The following PCDHGA3 variants were observed in gnomAD, a reference collection of about 807,000 sequenced individuals.
PCDHGA3 encodes protocadherin gamma-A3.
PCDHGA3 carries 40 observed loss-of-function variants against 58.5 expected under a neutral mutation model. That is an observed-to-expected ratio of 0.68 (90% CI 0.53 to 0.89). The LOEUF (loss-of-function observed/expected upper bound fraction) is 0.89. PCDHGA3 is among the 40% of genes least tolerant of loss of function. The pLI, the probability that PCDHGA3 is intolerant of heterozygous loss-of-function variation, is 0.00. For synonymous variants in PCDHGA3, 530 were observed against 525.7 expected (o/e 1.01, Z -0.11); for missense variants, 1,223 against 1,195.9 (o/e 1.02, Z -0.33).
intron 1 of PCDHGA3, chr5:141,360,067 T>C: frequency 1.4e-6 from 2 of 1,466,818 alleles, no homozygotes; most frequent in Non-Finnish European, 1.8e-6. Flanking sequence ...AAAGTGACCT[T>C]AGCCCGGATT....
intron 1 of PCDHGA3, chr5:141,389,392 T>C (rs1258153986): frequency 1.9e-6 from 3 of 1,613,686 alleles, no homozygotes; most frequent in Non-Finnish European, 2.5e-6. Flanking sequence ...TCATCCTACG[T>C]GTCCATAAGC....
At position 141,344,657 on chromosome 5, in the gene PCDHGA3, C is replaced by G; in HGVS notation, c.624C>G (p.His208Gln). ...TGGACCGTGAGAAAAAAGAAATTCACCAGCTTGTCCTGGTTGCCTCTGATG... is the reference window on the plus strand; with the variant it reads ...TGGACCGTGAGAAAAAAGAAATTCAGCAGCTTGTCCTGGTTGCCTCTGATG... ...RALDREKKEI[H>Q]QLVLVASDGG... Residue 208 changes from histidine to glutamine, a missense_variant, in exon 1 of 4, where the codon CAC becomes CAG. Transcript: ENST00000253812. 1 of 1,613,996 alleles carries G rather than the reference C, an allele frequency of 6.2e-7. No homozygotes were observed. The highest frequency in any genetic ancestry group is 1.1e-5 in the South Asian group (1 of 91,086).
At chr5:141,445,148 C>A (rs1051995635) in intron 1 of PCDHGA3, among the ~76,000 whole-genome samples, 3 of 152,092 alleles carry the variant, frequency 2.0e-5, no homozygotes, top group Non-Finnish European at 4.4e-5. Context: ...TCTAATTGTT[C>A]ATTTCTAGTT....
intron 1 of PCDHGA3, among the ~76,000 whole-genome samples, chr5:141,407,687 G>A (rs866314437): frequency 1.3e-5 from 2 of 152,126 alleles, no homozygotes; most frequent in African/African-American, 2.4e-5. Context: ...TGGCTTTGTG[G>A]TGATCATTGT....
At chr5:141,355,325 G>A in intron 1 of PCDHGA3, 1 of 1,614,010 alleles carries the variant, frequency 6.2e-7, no homozygotes, top group Non-Finnish European at 8.5e-7. Flanking sequence ...CAGGAAGAAG[G>A]CTCAGTGGTG....
In PCDHGA3 at chr5:141,485,580, A is replaced by C. The variant is rs761157560; in HGVS notation, c.2425-9227A>C. The C allele has an allele frequency of 6.2e-7, 1 of 1,612,610 alleles. No homozygotes were observed. The highest frequency in any genetic ancestry group is 2.2e-5 in the East Asian group (1 of 44,850). ...GATCACGCCCCCCGTTTTCCGCGGCAGCAGCTGGACTTGGAAATTGGGGAG... is the reference window on the plus strand; with the variant it reads ...GATCACGCCCCCCGTTTTCCGCGGCCGCAGCTGGACTTGGAAATTGGGGAG... On this transcript the variant is annotated intron_variant, in intron 1 of 3. Transcript: ENST00000253812. The surrounding 1 kb of genome is among the most constrained non-coding windows in gnomAD (Gnocchi z 5.7).
chr5:141,491,702 T>A lies in PCDHGA3; in HGVS notation c.2425-3105T>A. The A allele has an allele frequency of 6.2e-7, 1 of 1,611,514 alleles. No homozygotes were observed. Among genetic ancestry groups the A allele is most frequent in the Non-Finnish European group, 8.5e-7 (1 of 1,178,984 alleles). ...AATACGCTGCGGGAGCGGAGCCAGG[T>A]GAGGGGCTCGGCGCCGCCCCGGGCG... On this transcript the variant is annotated intron_variant, in intron 1 of 3. Coordinates refer to ENST00000253812, the MANE Select transcript of PCDHGA3 (RefSeq NM_018916.4). The surrounding 1 kb of genome is among the most constrained non-coding windows in gnomAD (Gnocchi z 6.9).
intron 1 of PCDHGA3, chr5:141,414,147 A>G: frequency 6.3e-7 from 1 of 1,599,090 alleles, no homozygotes; most frequent in Non-Finnish European, 8.5e-7. Flanking sequence ...TAGAAATACA[A>G]GCAGAAGATG....
At position 141,491,346 on chromosome 5, in the gene PCDHGA3, T is replaced by A. The variant is rs760843553; in HGVS notation, c.2425-3461T>A. ...TCATTGTGGCTCTAGCGACCGTCAG[T>A]CTCTTATCCCTAGTCACCTTCACCT... On this transcript the variant is annotated intron_variant, in intron 1 of 3. Coordinates refer to ENST00000253812, the MANE Select transcript of PCDHGA3 (RefSeq NM_018916.4). This position sits in a 1 kb window ranked among gnomAD's most constrained non-coding sequence, Gnocchi z 6.9. The A allele has an allele frequency of 6.2e-7, 1 of 1,614,088 alleles. No individual in the cohort carries two copies. The highest frequency in any genetic ancestry group is 1.1e-5 in the South Asian group (1 of 91,080).
rs2154573815 is a variant in PCDHGA3 at position 141,475,798 on chromosome 5, CAAAGG to C, written c.2425-19004_2425-19000del. ...TTGGCTGGAAACTCTGGAAGGAAGC[CAAAGG>C]AAAGTGAAGTTCCTGGCGCTAGCGC... On this transcript the variant is annotated intron_variant, in intron 1 of 3. Coordinates refer to ENST00000253812, the MANE Select transcript of PCDHGA3 (RefSeq NM_018916.4). The C allele has an allele frequency of 9.7e-6, 3 of 309,052 alleles. No homozygotes were observed. The South Asian group carries it at 2.0e-4, about 21-fold the overall frequency. 19.1% of individuals were successfully genotyped at this position (309,052 alleles called of 1,614,324 possible).
chr5:141,353,490 G>A (rs1435976682), intron 1 of PCDHGA3, among the ~76,000 whole-genome samples: 2 of 152,106 alleles, frequency 1.3e-5, no homozygotes, highest in East Asian at 3.8e-4. Flanking sequence ...TTAACACTTT[G>A]TCTCATCACA....
chr5:141,494,601 A>T (rs1396717178), intron 1 of PCDHGA3, among the ~76,000 whole-genome samples: 1 of 151,892 alleles, frequency 6.6e-6, no homozygotes, highest in East Asian at 1.9e-4. Context: ...ATGAAATGTG[A>T]TTTATCTCTT....
intron 1 of PCDHGA3, among the ~76,000 whole-genome samples, chr5:141,472,122 G>A (rs898092092): frequency 6.6e-6 from 1 of 152,176 alleles, no homozygotes; most frequent in African/African-American, 2.4e-5. Flanking sequence ...GAAAATAAAA[G>A]AGAAGTTAAA....
At chr5:141,358,923 G>A (rs1175960333) in intron 1 of PCDHGA3, among the ~76,000 whole-genome samples, 1 of 152,194 alleles carries the variant, frequency 6.6e-6, no homozygotes, top group Non-Finnish European at 1.5e-5. Flanking sequence ...GTGTGTAGGG[G>A]ATATACAACA....
intron 1 of PCDHGA3, chr5:141,364,103 C>A (rs575957272): frequency 7.3e-6 from 3 of 411,130 alleles, no homozygotes; most frequent in Middle Eastern, 6.3e-4. Flanking sequence ...GATGCAGTCA[C>A]TGGTTAGGAC....
intron 1 of PCDHGA3, among the ~76,000 whole-genome samples, chr5:141,454,195 T>A (rs1295815862): frequency 1.3e-5 from 2 of 152,136 alleles, no homozygotes; most frequent in Admixed American, 1.3e-4. Flanking sequence ...TTAGTGAAGG[T>A]GAATTTATTG....
chr5:141,395,380 T>A, intron 1 of PCDHGA3: 2 of 1,112,040 alleles, frequency 1.8e-6, no homozygotes, highest in Non-Finnish European at 2.5e-6. Flanking sequence ...GTGGTGTTAC[T>A]ATAAAATTGA....
At chr5:141,496,050 G>A (rs1232836015) in intron 2 of PCDHGA3, among the ~76,000 whole-genome samples, 2 of 149,892 alleles carry the variant, frequency 1.3e-5, no homozygotes, top group Non-Finnish European at 3.0e-5. Flanking sequence ...ATTTTTTTGT[G>A]CTTGTGGGCA....
At chr5:141,355,379 C>A (rs771278815) in intron 1 of PCDHGA3, 5 of 1,613,900 alleles carry the variant, frequency 3.1e-6, no homozygotes, top group Non-Finnish European at 3.4e-6. Flanking sequence ...CGGGAGCTGG[C>A]GGAGCGCGGA....
Sources: allele counts gnomAD v4.1 joint callset (sites outside exome capture counted in the v4.1 genomes callset), GRCh38; gene constraint gnomAD v4.1.1; non-coding constraint Gnocchi (gnomAD v3.1); transcripts MANE v1.5; gene names NCBI Gene and HGNC (gene_info 2026-07-23, HGNC 2026-07-21).